NR3C1: variants seen among roughly 807,000 people sequenced by gnomAD.
The protein encoded by NR3C1 is glucocorticoid receptor.
In NR3C1, 14 loss-of-function variants were observed where a neutral mutation model predicts 74.0. That is an observed-to-expected ratio of 0.19 (90% confidence interval 0.12 to 0.30). The LOEUF (loss-of-function observed/expected upper bound fraction) is 0.30, where lower values mean the gene tolerates loss of function less well. NR3C1 is among the 10% of genes least tolerant of loss of function. NR3C1 has a pLI of 1.00. For synonymous variants in NR3C1, 308 were observed against 332.5 expected (o/e 0.93, Z 0.80); for missense variants, 695 against 909.8 (o/e 0.76, Z 3.04).
At chr5:143,315,220 A>G (rs1252157883) in intron 2 of NR3C1, among the ~76,000 whole-genome samples, 1 of 152,192 alleles carries the variant, frequency 6.6e-6, no homozygotes, top group Non-Finnish European at 1.5e-5. Context: ...AAAATTAATT[A>G]TTGCATTTCA....
chr5:143,336,977 C>G (rs1042180398), intron 2 of NR3C1, among the ~76,000 whole-genome samples: 1 of 147,702 alleles, frequency 6.8e-6, no homozygotes, highest in African/African-American at 2.4e-5. Flanking sequence ...GACCCTGTCT[C>G]AAAAAATACA....
intron 6 of NR3C1, among the ~76,000 whole-genome samples, chr5:143,296,201 A>G (rs78852952): frequency 6.6e-6 from 1 of 152,112 alleles, no homozygotes; most frequent in Non-Finnish European, 1.5e-5. Flanking sequence ...ATAGGTCTCT[A>G]AAGTTTCCTG....
upstream of NR3C1, among the ~76,000 whole-genome samples, chr5:143,404,831 G>A (rs1263655551): frequency 6.6e-6 from 1 of 152,142 alleles, no homozygotes; most frequent in African/African-American, 2.4e-5. Context: ...CAAGTTCCCG[G>A]TGCAGGCCCC....
At chr5:143,338,536 G>A (rs1827595455) in intron 2 of NR3C1, among the ~76,000 whole-genome samples, 1 of 151,952 alleles carries the variant, frequency 6.6e-6, no homozygotes, top group Non-Finnish European at 1.5e-5. Context: ...TAATGTGTGT[G>A]TTTGTGTATT....
At chr5:143,434,186 C>T (rs1752008649) in intron 1 of NR3C1, among the ~76,000 whole-genome samples, 1 of 152,142 alleles carries the variant, frequency 6.6e-6, no homozygotes, top group Non-Finnish European at 1.5e-5. Flanking sequence ...CACTTTTTAC[C>T]TAACACATTA....
chr5:143,363,582 A>T (rs200007949), intron 2 of NR3C1, among the ~76,000 whole-genome samples: 1 of 5,252 alleles, frequency 1.9e-4, no homozygotes, highest in Non-Finnish European at 3.2e-4. Flanking sequence ...CCAAAAAAAT[A>T]AAAAAAAAAA....
chr5:143,401,910 A>T (rs1435322083), intron 1 of NR3C1, among the ~76,000 whole-genome samples: 1 of 152,246 alleles, frequency 6.6e-6, no homozygotes, highest in Non-Finnish European at 1.5e-5. Context: ...CCTATTCTCA[A>T]GAGAGTAAGA....
At chr5:143,301,304 T>C (rs1818439222) in intron 4 of NR3C1, among the ~76,000 whole-genome samples, 2 of 152,156 alleles carry the variant, frequency 1.3e-5, no homozygotes, top group Non-Finnish European at 2.9e-5. Flanking sequence ...TGACAGCAGA[T>C]TACATGCTAA....
At chr5:143,309,073 C>CTTTTTTT (rs397830399) in intron 4 of NR3C1, among the ~76,000 whole-genome samples, 1 of 134,428 alleles carries the variant, frequency 7.4e-6, no homozygotes, top group African/African-American at 2.8e-5. Flanking sequence ...TTTCAGGTTT[C>CTTTTTTT]TTTTTTTTTT....
exon 1 of NR3C1, chr5:143,435,279 C>A: frequency 1.0e-6 from 1 of 985,424 alleles, no homozygotes; most frequent in Non-Finnish European, 1.2e-6. Flanking sequence ...TACGGTCCTG[C>A]AGGGCTTGAA....
chr5:143,434,946 T>G, exon 1 of NR3C1: 3 of 984,798 alleles, frequency 3.0e-6, no homozygotes, highest in Non-Finnish European at 3.6e-6. Context: ...AGATCCTGTC[T>G]CTCGGGTATA....
intron 7 of NR3C1, among the ~76,000 whole-genome samples, chr5:143,293,599 C>T (rs1039366935): frequency 1.3e-5 from 2 of 152,170 alleles, no homozygotes; most frequent in Non-Finnish European, 1.5e-5. Context: ...CTACAAATGC[C>T]GTCAAAGAGC....
chr5:143,350,900 T>C (rs1830118267), intron 2 of NR3C1, among the ~76,000 whole-genome samples: 1 of 152,178 alleles, frequency 6.6e-6, no homozygotes, highest in Admixed American at 6.5e-5. Flanking sequence ...AACAGTAGGT[T>C]ACTGGAAAGT....
intron 2 of NR3C1, chr5:143,332,971 C>T (rs565051999): frequency 6.3e-7 from 1 of 1,585,714 alleles, no homozygotes; most frequent in African/African-American, 1.3e-5. Context: ...CGTGGACAAG[C>T]CAAGGTCAAG....
intron 1 of NR3C1, among the ~76,000 whole-genome samples, chr5:143,424,022 T>C (rs896213032): frequency 8.4e-6 from 1 of 118,362 alleles, no homozygotes; most frequent in African/African-American, 3.3e-5. Context: ...TGAGAACACA[T>C]GGACACAGGA....
At chr5:143,287,703 A>G (rs1258568063) in intron 7 of NR3C1, among the ~76,000 whole-genome samples, 1 of 152,198 alleles carries the variant, frequency 6.6e-6, no homozygotes. Flanking sequence ...TCACAAGAAA[A>G]GAAAGTTGTA....
Position 143,314,151 on chromosome 5 carries a change from T to A in NR3C1, c.1202A>T (p.Asp401Val). 1 of 1,613,720 alleles carries A rather than the reference T, an allele frequency of 6.2e-7. No homozygotes were observed. The highest frequency in any genetic ancestry group is 8.5e-7 in the Non-Finnish European group (1 of 1,179,744). Reference protein sequence around the residue: ...NGYSSPSMRPDVSSPPSSSST... With the variant: ...NGYSSPSMRPVVSSPPSSSST... ...GGAGCTGGATGGAGGAGAGCTTACA[T>A]CTGGTCTCATGCTGGGGCTAAAGAA... Residue 401 changes from aspartate (D) to valine (V), a missense_variant, in exon 3 of 9, where the codon GAT becomes GTT. Transcript: ENST00000394464.
At chr5:143,312,839 G>T (rs188340903) in intron 3 of NR3C1, among the ~76,000 whole-genome samples, 1 of 152,130 alleles carries the variant, frequency 6.6e-6, no homozygotes, top group African/African-American at 2.4e-5. Context: ...TGTCTTCTGC[G>T]TATGTGTTAA....
At chr5:143,386,557 A>G (rs942750651) in intron 2 of NR3C1, among the ~76,000 whole-genome samples, 3 of 152,166 alleles carry the variant, frequency 2.0e-5, no homozygotes, top group African/African-American at 7.2e-5. Context: ...AGAAAATCTC[A>G]TATGTGTCTG....
Sources: gnomAD v4.1 joint callset for allele counts (sites outside exome capture counted in the v4.1 genomes callset) on GRCh38, gnomAD v4.1.1 for gene constraint, MANE v1.5 for transcripts, NCBI Gene and HGNC (gene_info 2026-07-23, HGNC 2026-07-21) for gene names.